LRMDA: variants seen among roughly 807,000 people sequenced by gnomAD.
The protein encoded by LRMDA is leucine-rich melanocyte differentiation-associated protein.
In LRMDA, 18 loss-of-function variants were observed where a neutral mutation model predicts 29.8. The observed-to-expected ratio is 0.60, with a 90% CI of 0.42 to 0.90. The LOEUF (loss-of-function observed/expected upper bound fraction) is 0.90, where lower values mean the gene tolerates loss of function less well. LRMDA is among the 40% of genes least tolerant of loss of function. The pLI, the probability that LRMDA is intolerant of heterozygous loss-of-function variation, is 0.00. For missense variants in LRMDA, 273 were observed against 273.9 expected (o/e 1.00, Z 0.02); for synonymous variants, 125 against 109.4 (o/e 1.14, Z -0.89).
chr10:76,480,890 A>G (rs1176422178), intron 6 of LRMDA, among the ~76,000 whole-genome samples: 2 of 151,966 alleles, frequency 1.3e-5, no homozygotes, highest in African/African-American at 4.8e-5. Flanking sequence ...AAAGGTAATC[A>G]TATGTATTGA....
At chr10:76,368,769 A>G (rs566943185) in intron 6 of LRMDA, among the ~76,000 whole-genome samples, 28 of 152,180 alleles carry the variant, frequency 1.8e-4, no homozygotes, top group Middle Eastern at 3.4e-3. Context: ...ATTGTTTTAT[A>G]AATTTGGGAG....
intron 6 of LRMDA, among the ~76,000 whole-genome samples, chr10:76,359,976 G>A (rs1841291348): frequency 6.6e-6 from 1 of 151,940 alleles, no homozygotes. Context: ...TCGGTCCAGT[G>A]GCATTTCTTT....
chr10:75,708,529 A>G (rs1842397041), intron 2 of LRMDA, among the ~76,000 whole-genome samples: 1 of 152,180 alleles, frequency 6.6e-6, no homozygotes, highest in Admixed American at 6.5e-5. Context: ...AATGCCAGAT[A>G]CTGAGAAAAT....
chr10:76,204,078 C>T (rs1242162486), intron 5 of LRMDA, among the ~76,000 whole-genome samples: 6 of 146,028 alleles, frequency 4.1e-5, no homozygotes, highest in African/African-American at 1.5e-4. Flanking sequence ...ATTCCATGTG[C>T]CTGTCCACCC....
At chr10:75,868,111 A>G (rs1048067098) in intron 2 of LRMDA, among the ~76,000 whole-genome samples, 2 of 152,110 alleles carry the variant, frequency 1.3e-5, no homozygotes, top group Admixed American at 1.3e-4. Context: ...CCTCTGGTCT[A>G]TGATTTGCTC....
At chr10:76,454,859 G>C (rs1842441743) in intron 6 of LRMDA, among the ~76,000 whole-genome samples, 1 of 152,190 alleles carries the variant, frequency 6.6e-6, no homozygotes, top group African/African-American at 2.4e-5. Flanking sequence ...AATTTGGGTG[G>C]AGTTTTCACA....
intron 6 of LRMDA, among the ~76,000 whole-genome samples, chr10:76,533,709 A>G (rs780364105): frequency 1.3e-5 from 2 of 152,190 alleles, no homozygotes; most frequent in Non-Finnish European, 2.9e-5. Flanking sequence ...CAGCATTGCC[A>G]GTTATTTAAG....
intron 6 of LRMDA, among the ~76,000 whole-genome samples, chr10:76,519,710 A>G (rs972288549): frequency 6.6e-6 from 1 of 152,238 alleles, no homozygotes; most frequent in African/African-American, 2.4e-5. Flanking sequence ...ATTTTAAAAA[A>G]TAGCAAAATG....
At chr10:75,434,314 T>A (rs1419033158) in intron 1 of LRMDA, among the ~76,000 whole-genome samples, 1 of 152,202 alleles carries the variant, frequency 6.6e-6, no homozygotes, top group Non-Finnish European at 1.5e-5. Flanking sequence ...CTCATCGCAT[T>A]CCTGTAAGTA....
intron 6 of LRMDA, among the ~76,000 whole-genome samples, chr10:76,391,285 G>A (rs973442297): frequency 6.6e-6 from 1 of 152,144 alleles, no homozygotes; most frequent in Non-Finnish European, 1.5e-5. Context: ...CAGACAAAGA[G>A]AGTGGGATTC....
intron 2 of LRMDA, among the ~76,000 whole-genome samples, chr10:75,869,971 A>G (rs572601862): frequency 1.3e-5 from 2 of 152,080 alleles, no homozygotes; most frequent in African/African-American, 2.4e-5. Context: ...CCCTTACACT[A>G]TTGTCCTCTC....
chr10:76,101,257 T>A (rs945179776), intron 5 of LRMDA, among the ~76,000 whole-genome samples: 2 of 152,234 alleles, frequency 1.3e-5, no homozygotes, highest in Non-Finnish European at 2.9e-5. Flanking sequence ...TGTACCTTTA[T>A]GAACTGATTT....
At chr10:75,951,231 T>G (rs1330182709) in intron 2 of LRMDA, among the ~76,000 whole-genome samples, 1 of 152,218 alleles carries the variant, frequency 6.6e-6, no homozygotes, top group African/African-American at 2.4e-5. Context: ...GTACTTAGTA[T>G]GTGGAAGATT....
chr10:76,469,722 AC>A (rs1842599103), intron 6 of LRMDA, among the ~76,000 whole-genome samples: 1 of 152,144 alleles, frequency 6.6e-6, no homozygotes, highest in Non-Finnish European at 1.5e-5. Flanking sequence ...GCAAAAACTT[AC>A]ACCAGAGGCA....
At chr10:76,261,308 G>A (rs576319042) in intron 5 of LRMDA, among the ~76,000 whole-genome samples, 7 of 151,720 alleles carry the variant, frequency 4.6e-5, no homozygotes, top group African/African-American at 1.5e-4. Context: ...TCCTGACCTC[G>A]TGATCTGCCT....
At chr10:76,471,502 GAAGGAAC>G (rs1426147329) in intron 6 of LRMDA, among the ~76,000 whole-genome samples, 2 of 151,538 alleles carry the variant, frequency 1.3e-5, no homozygotes, top group African/African-American at 2.4e-5. Context: ...AAGCAGTAAA[GAAGGAAC>G]AGGGAAGCAA....
intron 2 of LRMDA, among the ~76,000 whole-genome samples, chr10:75,767,311 T>G (rs370055709): frequency 6.6e-6 from 1 of 152,324 alleles, no homozygotes; most frequent in East Asian, 1.9e-4. Flanking sequence ...ATCTGTTGTT[T>G]CCAGACTTTT....
At chr10:75,854,853 T>C (rs1305475126) in intron 2 of LRMDA, among the ~76,000 whole-genome samples, 1 of 152,176 alleles carries the variant, frequency 6.6e-6, no homozygotes, top group Non-Finnish European at 1.5e-5. Flanking sequence ...TTGCTGAGAA[T>C]GATGGTTTCC....
chr10:75,615,435 T>G (rs1464197818), intron 2 of LRMDA, among the ~76,000 whole-genome samples: 1 of 152,190 alleles, frequency 6.6e-6, no homozygotes, highest in Non-Finnish European at 1.5e-5. Context: ...TAAACATTTC[T>G]TTTGAGCATC....
Sources: gnomAD v4.1 joint callset for allele counts (sites outside exome capture counted in the v4.1 genomes callset) on GRCh38, gnomAD v4.1.1 for gene constraint, MANE v1.5 for transcripts, NCBI Gene and HGNC (gene_info 2026-07-23, HGNC 2026-07-21) for gene names.